Variants in NEDD8 observed in about 807,000 individuals in gnomAD.
NEDD8 encodes the protein NEDD8 ubiquitin like modifier.
A neutral mutation model predicts 13.8 loss-of-function variants in NEDD8; 1 was observed. The ratio of observed to expected loss-of-function variants is 0.07; its 90% CI spans 0.03 to 0.34. NEDD8 has a LOEUF of 0.34. Ranked by LOEUF, NEDD8 falls within the 10% of genes least tolerant of loss-of-function variation. NEDD8 has a pLI of 0.99. For missense variants in NEDD8, 10 were observed against 95.2 expected, an observed-to-expected ratio of 0.10 and a Z score of 3.73; for synonymous variants, 31 against 33.2, an observed-to-expected ratio of 0.93 and a Z score of 0.23.
intron 1 of NEDD8, among the ~76,000 whole-genome samples, chr14:24,223,091 A>AAG (rs2039833932): frequency 7.0e-6 from 1 of 142,542 alleles, no homozygotes; most frequent in Non-Finnish European, 1.5e-5. Flanking sequence ...ATTTCAAAAA[A>AAG]AAAAAAAAAA....
At position 24,225,839 on chromosome 14, in the gene NEDD8, G is replaced by A. The variant is rs1197208654; in HGVS notation, c.18+6411C>T. ...GGATCACCTGAGGTCAGGAGTTCGA[G>A]GCCAGCCTGGATAACATGATGAAAA... On this transcript the variant is annotated intron_variant, in intron 1 of 3. Coordinates refer to ENST00000250495, the MANE Select transcript of NEDD8 (RefSeq NM_006156.3). Among the ~76,000 whole-genome samples the A allele has an allele frequency of 3.3e-5, 5 of 152,094 alleles. No homozygotes were observed. In the East Asian group the frequency reaches 9.6e-4, roughly 29 times the overall value.
Position 24,232,336 on chromosome 14 carries a change from C to A in NEDD8, c.-69G>T. The A allele has an allele frequency of 6.2e-7, 1 of 1,609,770 alleles. No homozygotes were observed. On this transcript the variant is annotated 5_prime_UTR_variant, in exon 1 of 4. In the 5' UTR this introduces an upstream ATG that the reference lacks. Transcript: ENST00000250495. ...TACCGCTCCGGTCGCCGCTGCCGCC[C>A]TCCAGCACTCTTGCCTGCAAGGGCC...
chr14:24,216,919 C>A lies in NEDD8; in HGVS notation c.*208G>T. The stretch of plus-strand genomic sequence containing the variant: ...GACACAGTCATAAGAGAGGGAAGCA[C>A]ACAGGACTGCAAACTAACACCCAGT... On this transcript the variant is annotated 3_prime_UTR_variant, in exon 4 of 4. Transcript: ENST00000250495. 2 of 560,254 alleles carry A rather than the reference C, an allele frequency of 3.6e-6. No homozygotes were observed. The highest frequency in any genetic ancestry group is 3.2e-6 in the Non-Finnish European group (1 of 309,436). The allele number at this position is 560,254 out of a possible 1,614,324, so 34.7% of individuals were successfully genotyped here.
chr14:24,228,386 C>T (rs2039931074), intron 1 of NEDD8: 1 of 151,850 alleles, frequency 6.6e-6, no homozygotes, highest in Non-Finnish European at 1.5e-5. Flanking sequence ...GAGTGAGACT[C>T]CATCTCAAAA....
At chr14:24,217,381 C>T (rs755181845) in intron 3 of NEDD8, among the ~76,000 whole-genome samples, 158 bp from the exon 4 acceptor site, 1 of 152,126 alleles carries the variant, frequency 6.6e-6, no homozygotes, top group Non-Finnish European at 1.5e-5. Context: ...CTTCCACCTC[C>T]TGGGTTCAAG....
At chr14:24,218,016 A>G (rs1244987301) in intron 3 of NEDD8, 117 bp downstream of exon 3, 2 of 1,313,134 alleles carry the variant, frequency 1.5e-6, no homozygotes, top group Non-Finnish European at 2.1e-6. Context: ...CCAGATTGCC[A>G]AAGAGTCTTA....
intron 3 of NEDD8, chr14:24,217,646 GA>G (rs1229140108): frequency 1.2e-5 from 2 of 164,750 alleles, no homozygotes; most frequent in Admixed American, 5.9e-5. Context: ...ACTTGAATGA[GA>G]AAAAAAATCC....
At position 24,219,477 on chromosome 14, in the gene NEDD8, A is replaced by C. The variant is rs1185529865; in HGVS notation, c.19-1046T>G. Among the ~76,000 whole-genome samples, 132 of 62,258 alleles carry C rather than the reference A, an allele frequency of 2.1e-3. No individual in the cohort carries two copies. The East Asian group carries it at 0.026, about 12-fold the overall frequency. The allele number at this position is 62,258 out of a possible 152,430, so 40.8% of individuals were successfully genotyped here. ...CTCCAGCCTGGGCAACACCCTCGCAAAAAAAAAAAAAAAAAAAAAAAAAAG... is the reference window on the plus strand; with the variant it reads ...CTCCAGCCTGGGCAACACCCTCGCACAAAAAAAAAAAAAAAAAAAAAAAAG... On this transcript the variant is annotated intron_variant, in intron 1 of 3. Transcript: ENST00000250495.
intron 1 of NEDD8, 132 bp from the exon 2 acceptor site, chr14:24,218,563 G>A (rs1482991489): frequency 8.6e-6 from 11 of 1,284,542 alleles, no homozygotes; most frequent in East Asian, 2.4e-5. Context: ...CACTGCTTTG[G>A]AGAATGAGAA....
chr14:24,221,267 T>C (rs1447414644), intron 1 of NEDD8, among the ~76,000 whole-genome samples: 1 of 151,656 alleles, frequency 6.6e-6, no homozygotes, highest in African/African-American at 2.4e-5. Flanking sequence ...TTCTGTGTTG[T>C]CCACAAATTA....
intron 3 of NEDD8, 23 bp from the exon 4 acceptor site, chr14:24,217,246 AAAAAAG>A: frequency 1.3e-6 from 2 of 1,580,328 alleles, no homozygotes; most frequent in South Asian, 1.2e-5. Flanking sequence ...GAAGCCAGAA[AAAAAAG>A]AAAAAGAAGA....
At chr14:24,223,606 T>A (rs2039842881) in intron 1 of NEDD8, among the ~76,000 whole-genome samples, 1 of 151,914 alleles carries the variant, frequency 6.6e-6, no homozygotes. Context: ...TGGAACACAG[T>A]GGAGTAATCA....
At chr14:24,223,820 C>T (rs1250817376) in intron 1 of NEDD8, among the ~76,000 whole-genome samples, 3 of 151,970 alleles carry the variant, frequency 2.0e-5, no homozygotes, top group Admixed American at 2.0e-4. Context: ...CCACAACCTC[C>T]GCCTCCCAGG....
chr14:24,221,085 T>C (rs2138886730), intron 1 of NEDD8, among the ~76,000 whole-genome samples: 1 of 152,326 alleles, frequency 6.6e-6, no homozygotes, highest in South Asian at 2.1e-4. Flanking sequence ...GCTTCTACCC[T>C]AACCTATGCT....
chr14:24,226,861 A>T (rs1294015125), intron 1 of NEDD8: 2 of 152,178 alleles, frequency 1.3e-5, no homozygotes, highest in Non-Finnish European at 2.9e-5. Context: ...ATAAAAACAT[A>T]TGTTTACAAA....
chr14:24,231,589 G>A (rs896469282), intron 1 of NEDD8: 3 of 152,180 alleles, frequency 2.0e-5, no homozygotes, highest in African/African-American at 4.8e-5. Context: ...CACCACGGGA[G>A]TTGAGAGATG....
chr14:24,217,092 G>A lies in NEDD8; in HGVS notation c.*35C>T, dbSNP rs1298624241. The A allele has an allele frequency of 1.9e-6, 3 of 1,547,452 alleles. No homozygotes were observed. The highest frequency in any genetic ancestry group is 4.5e-5 in the East Asian group (2 of 44,384). Reference sequence around the variant, plus strand: ...GAGAGGATATATGATGCCTCATTATGAGCGACAGGGTAAAGAGGTAAAATG... The same window carrying A: ...GAGAGGATATATGATGCCTCATTATAAGCGACAGGGTAAAGAGGTAAAATG... On this transcript the variant is annotated 3_prime_UTR_variant, in exon 4 of 4. Transcript: ENST00000250495.
At chr14:24,230,917 C>T (rs2039993091) in intron 1 of NEDD8, among the ~76,000 whole-genome samples, 1 of 151,806 alleles carries the variant, frequency 6.6e-6, no homozygotes, top group South Asian at 2.1e-4. Context: ...TGGGCCCGGC[C>T]TTTTTTTTCA....
At chr14:24,224,304 T>G (rs774285593) in intron 1 of NEDD8, among the ~76,000 whole-genome samples, 17 of 152,146 alleles carry the variant, frequency 1.1e-4, no homozygotes, top group Non-Finnish European at 2.2e-4. Flanking sequence ...CCTCAAATGA[T>G]CCACCCGCCT....
Sources: gnomAD v4.1 joint callset for allele counts (sites outside exome capture counted in the v4.1 genomes callset) on GRCh38, gnomAD v4.1.1 for gene constraint, MANE v1.5 for transcripts, NCBI Gene and HGNC (gene_info 2026-07-23, HGNC 2026-07-21) for gene names.